ITPR1: variants seen among roughly 807,000 people sequenced by gnomAD.
The protein encoded by ITPR1 is inositol 1,4,5-trisphosphate-gated calcium channel ITPR1.
Under a neutral mutation model 318.4 loss-of-function variants are expected in ITPR1, and 96 were observed. The observed-to-expected ratio is 0.30, with a 90% confidence interval of 0.26 to 0.36. The LOEUF is 0.36. Among genes scored for constraint, ITPR1 ranks in the 10% least tolerant of loss-of-function variants. The probability of loss-of-function intolerance (pLI) is 1.00; values close to 1 mark genes in which losing one functional copy is unlikely to be tolerated. For missense variants in ITPR1, 2,440 were observed against 3,460.2 expected (o/e 0.71, Z 7.40); for synonymous variants, 1,312 against 1,289.9 (o/e 1.02, Z -0.37).
At position 4,768,619 on chromosome 3, in the gene ITPR1, ACGACCACTAC is replaced by A; in HGVS notation, c.5836_5845del (p.Asp1946SerfsTer19). 1 of 1,613,960 alleles carries A rather than the reference ACGACCACTAC, an allele frequency of 6.2e-7. No individual in the cohort carries two copies. Among genetic ancestry groups the A allele is most frequent in the Non-Finnish European group, 8.5e-7 (1 of 1,179,870 alleles). ...ACTTTCAGGAGGGAGGCTGATCCCG[ACGACCACTAC>A]CAGCCTGGAGAGGGCACCCAGGCCA... On this transcript the variant is annotated frameshift_variant, in exon 46 of 62. Transcript: ENST00000649015. LOFTEE classifies it high-confidence loss of function.
intron 3 of ITPR1, among the ~76,000 whole-genome samples, chr3:4,518,129 C>G (rs1274495134): frequency 6.6e-6 from 1 of 152,154 alleles, no homozygotes; most frequent in African/African-American, 2.4e-5. Context: ...CAGCTTCTCT[C>G]TTTCCAGCTT....
intron 10 of ITPR1, among the ~76,000 whole-genome samples, chr3:4,650,223 G>A (rs944059945): frequency 3.9e-5 from 6 of 152,146 alleles, no homozygotes; most frequent in Admixed American, 3.3e-4. Flanking sequence ...GTGGATATAT[G>A]TTCTCAAGGT....
chr3:4,734,895 G>T (rs2043166581), intron 43 of ITPR1, among the ~76,000 whole-genome samples: 1 of 152,196 alleles, frequency 6.6e-6, no homozygotes, highest in Admixed American at 6.5e-5. Flanking sequence ...CTGGCTTTAG[G>T]TCCCTTGCTG....
intron 4 of ITPR1, among the ~76,000 whole-genome samples, chr3:4,570,421 C>G (rs2087854455): frequency 1.3e-5 from 2 of 152,148 alleles, no homozygotes; most frequent in African/African-American, 4.8e-5. Flanking sequence ...CTAACAATTA[C>G]AAGTAGACCA....
chr3:4,768,955 G>T (rs2046005392), intron 46 of ITPR1, among the ~76,000 whole-genome samples, 191 bp downstream of exon 46: 1 of 150,994 alleles, frequency 6.6e-6, no homozygotes, highest in South Asian at 2.1e-4. Flanking sequence ...TGTCACCCAG[G>T]CTGGAGTACA....
Position 4,670,720 on chromosome 3 carries a change from G to C in ITPR1, c.2007-9G>C, listed in dbSNP as rs1200185535. Reference sequence around the variant, plus strand: ...ATAGTAACTTTTCCCTCCTCCTCTTGTTTTCTAGGTTGGTTCTTTCTCGTT... The same window carrying C: ...ATAGTAACTTTTCCCTCCTCCTCTTCTTTTCTAGGTTGGTTCTTTCTCGTT... On this transcript the variant is annotated splice_polypyrimidine_tract_variant and intron_variant, in intron 19 of 61. Coordinates refer to ENST00000649015, the MANE Select transcript of ITPR1 (RefSeq NM_001378452.1). 1.3e-6 allele frequency: 2 copies of C among 1,560,386 alleles called. No individual in the cohort carries two copies. Among genetic ancestry groups the C allele is most frequent in the African/African-American group, 2.7e-5 (2 of 73,756 alleles).
intron 42 of ITPR1, among the ~76,000 whole-genome samples, chr3:4,730,394 TG>T (rs2042837616): frequency 4.2e-5 from 6 of 144,556 alleles, no homozygotes; most frequent in African/African-American, 1.5e-4. Context: ...TGTGTGTGTG[TG>T]TGTGTGTGTG....
intron 2 of ITPR1, among the ~76,000 whole-genome samples, chr3:4,502,851 G>A (rs1012791869): frequency 2.0e-5 from 3 of 152,010 alleles, no homozygotes; most frequent in Non-Finnish European, 2.9e-5. Context: ...GGATGCCAAG[G>A]TGGGTGGGTC....
chr3:4,744,672 T>C (rs536756757), intron 44 of ITPR1, among the ~76,000 whole-genome samples: 8 of 152,360 alleles, frequency 5.3e-5, no homozygotes, highest in African/African-American at 1.7e-4. Flanking sequence ...GTTTGTTTAA[T>C]CTTTACTATG....
At chr3:4,511,056 C>T (rs1033169354) in intron 2 of ITPR1, among the ~76,000 whole-genome samples, 1 of 151,928 alleles carries the variant, frequency 6.6e-6, no homozygotes, top group Non-Finnish European at 1.5e-5. Context: ...ATTGAGATGC[C>T]GTGAGCCGCT....
At chr3:4,515,825 G>A (rs370363301) in intron 2 of ITPR1, among the ~76,000 whole-genome samples, 1 of 152,140 alleles carries the variant, frequency 6.6e-6, no homozygotes, top group African/African-American at 2.4e-5. Context: ...CTGTCTAAAG[G>A]GTTTTCATCC....
intron 52 of ITPR1, among the ~76,000 whole-genome samples, chr3:4,791,866 A>T (rs2047577507): frequency 6.6e-6 from 1 of 152,216 alleles, no homozygotes; most frequent in African/African-American, 2.4e-5. Context: ...AGATTGGGGG[A>T]TGGGGAGATG....
chr3:4,794,424 A>G (rs955009859), intron 52 of ITPR1, among the ~76,000 whole-genome samples: 5 of 152,200 alleles, frequency 3.3e-5, no homozygotes, highest in African/African-American at 1.2e-4. Context: ...GAGGTCAGCA[A>G]CTTGTACCCC....
intron 52 of ITPR1, among the ~76,000 whole-genome samples, chr3:4,790,344 A>G (rs1293737131): frequency 6.6e-6 from 1 of 152,192 alleles, no homozygotes; most frequent in Non-Finnish European, 1.5e-5. Flanking sequence ...GGACTGTAGC[A>G]TGGTCATTAT....
chr3:4,582,254 G>C (rs190146349), intron 4 of ITPR1, among the ~76,000 whole-genome samples: 6 of 152,024 alleles, frequency 3.9e-5, no homozygotes, highest in Non-Finnish European at 7.4e-5. Context: ...ATGCGCTTTG[G>C]GTTCTAGACT....
At chr3:4,573,183 G>T (rs1575577547) in intron 4 of ITPR1, among the ~76,000 whole-genome samples, 1 of 152,124 alleles carries the variant, frequency 6.6e-6, no homozygotes, top group Non-Finnish European at 1.5e-5. Flanking sequence ...CATTACAGTT[G>T]TTTCGTTTTA....
chr3:4,537,520 G>A (rs896610457), intron 4 of ITPR1, among the ~76,000 whole-genome samples: 2 of 152,196 alleles, frequency 1.3e-5, no homozygotes, highest in African/African-American at 4.8e-5. Context: ...ACCTCATATG[G>A]TATAGGGATT....
At chr3:4,765,245 C>G (rs1289747273) in intron 44 of ITPR1, among the ~76,000 whole-genome samples, 5 of 151,764 alleles carry the variant, frequency 3.3e-5, no homozygotes, top group Non-Finnish European at 5.9e-5. Flanking sequence ...GAAAACGAAC[C>G]AGGGAGCACA....
chr3:4,753,826 C>T (rs2044736479), intron 44 of ITPR1, among the ~76,000 whole-genome samples: 1 of 152,096 alleles, frequency 6.6e-6, no homozygotes, highest in South Asian at 2.1e-4. Context: ...ACTGTGCGGG[C>T]TCTCACCTGT....
Sources: gnomAD v4.1 joint callset for allele counts (sites outside exome capture counted in the v4.1 genomes callset) on GRCh38, gnomAD v4.1.1 for gene constraint, MANE v1.5 for transcripts, NCBI Gene and HGNC (gene_info 2026-07-23, HGNC 2026-07-21) for gene names.